Variants in PTPRD observed in about 807,000 individuals in gnomAD.
PTPRD encodes receptor-type tyrosine-protein phosphatase delta.
PTPRD carries 34 observed loss-of-function variants against 214.5 expected under a neutral mutation model. That is an observed-to-expected ratio of 0.16 (90% CI 0.12 to 0.21). The LOEUF is 0.21. PTPRD is among the 10% of genes least tolerant of loss of function. The pLI is 1.00. For synonymous variants in PTPRD, 1,128 were observed against 845.7 expected (o/e 1.33, Z -5.79); for missense variants, 2,545 against 2,398.7 (o/e 1.06, Z -1.27).
At chr9:8,906,407 G>C (rs1044116499) in intron 11 of PTPRD, among the ~76,000 whole-genome samples, 6 of 152,078 alleles carry the variant, frequency 3.9e-5, no homozygotes, top group Non-Finnish European at 8.8e-5. Flanking sequence ...GTGTAACTTT[G>C]GGGAAGTTAC....
chr9:9,190,625 G>C (rs1010708288), intron 9 of PTPRD, among the ~76,000 whole-genome samples: 2 of 151,948 alleles, frequency 1.3e-5, no homozygotes, highest in African/African-American at 4.8e-5. Context: ...TAGCACAAAA[G>C]CCCTAGGAGG....
At chr9:8,600,625 C>T (rs1192504748) in intron 14 of PTPRD, among the ~76,000 whole-genome samples, 1 of 151,740 alleles carries the variant, frequency 6.6e-6, no homozygotes, top group Non-Finnish European at 1.5e-5. Context: ...CATTATAGGC[C>T]CCAGGTCCCT....
chr9:9,757,541 C>G (rs1274928418), intron 6 of PTPRD, among the ~76,000 whole-genome samples: 1 of 151,978 alleles, frequency 6.6e-6, no homozygotes, highest in South Asian at 2.1e-4. Context: ...CTTGGAAATT[C>G]AGAGCAATAA....
intron 2 of PTPRD, among the ~76,000 whole-genome samples, chr9:10,486,901 T>C (rs1272018415): frequency 6.6e-6 from 1 of 152,078 alleles, no homozygotes; most frequent in Non-Finnish European, 1.5e-5. Context: ...GAATATGTGG[T>C]GTTGAAATCT....
intron 3 of PTPRD, among the ~76,000 whole-genome samples, chr9:10,219,760 T>C (rs1200663812): frequency 6.6e-6 from 1 of 151,770 alleles, no homozygotes. Context: ...CCTTACCACA[T>C]TGTTTAAATA....
At chr9:10,499,255 C>A (rs2042962401) in intron 2 of PTPRD, among the ~76,000 whole-genome samples, 1 of 152,008 alleles carries the variant, frequency 6.6e-6, no homozygotes, top group Admixed American at 6.6e-5. Context: ...GTTCAACTCC[C>A]ACTTATGTGT....
intron 10 of PTPRD, among the ~76,000 whole-genome samples, chr9:9,177,030 A>G (rs979386151): frequency 6.6e-6 from 1 of 152,110 alleles, no homozygotes; most frequent in Non-Finnish European, 1.5e-5. Context: ...TCATTTTCAT[A>G]CTGCTATAAA....
chr9:10,092,331 G>A (rs993306081), intron 3 of PTPRD, among the ~76,000 whole-genome samples: 1 of 151,346 alleles, frequency 6.6e-6, no homozygotes, highest in Non-Finnish European at 1.5e-5. Flanking sequence ...ACTGAATTCA[G>A]AAAAGGTGAT....
intron 11 of PTPRD, among the ~76,000 whole-genome samples, chr9:8,982,619 T>C (rs2099318834): frequency 2.6e-5 from 4 of 151,694 alleles, no homozygotes; most frequent in Admixed American, 2.6e-4. Context: ...ACAATCATCA[T>C]CTTATAAATT....
chr9:9,151,413 G>A (rs889789392), intron 10 of PTPRD, among the ~76,000 whole-genome samples: 5 of 152,156 alleles, frequency 3.3e-5, no homozygotes, highest in Non-Finnish European at 5.9e-5. Context: ...TTCTAAGTGG[G>A]AGTGGACTCC....
At chr9:10,127,131 A>G (rs527336892) in intron 3 of PTPRD, among the ~76,000 whole-genome samples, 1 of 152,182 alleles carries the variant, frequency 6.6e-6, no homozygotes, top group East Asian at 1.9e-4. Flanking sequence ...CTGCTGTAAT[A>G]AATATCATAC....
At chr9:9,840,432 T>A (rs975111215) in intron 5 of PTPRD, among the ~76,000 whole-genome samples, 1 of 152,130 alleles carries the variant, frequency 6.6e-6, no homozygotes, top group Non-Finnish European at 1.5e-5. Context: ...CAAGTTAAAC[T>A]TTTTCAGAGG....
intron 3 of PTPRD, among the ~76,000 whole-genome samples, chr9:10,232,675 C>A (rs1411781575): frequency 6.6e-6 from 1 of 151,968 alleles, no homozygotes; most frequent in Non-Finnish European, 1.5e-5. Flanking sequence ...GCTTCCCCTC[C>A]TTTTAAGCTC....
chr9:9,021,330 G>C (rs1445007354), intron 10 of PTPRD, among the ~76,000 whole-genome samples: 1 of 152,078 alleles, frequency 6.6e-6, no homozygotes, highest in Admixed American at 6.5e-5. Context: ...TTATAGCACA[G>C]TGCATTACTC....
chr9:9,106,046 G>A (rs1441630944), intron 10 of PTPRD, among the ~76,000 whole-genome samples: 1 of 152,122 alleles, frequency 6.6e-6, no homozygotes, highest in Non-Finnish European at 1.5e-5. Context: ...GTCGATGGCT[G>A]AGATACCTGG....
At chr9:10,496,035 A>T (rs540941789) in intron 2 of PTPRD, among the ~76,000 whole-genome samples, 18 of 151,812 alleles carry the variant, frequency 1.2e-4, no homozygotes, top group Non-Finnish European at 2.7e-4. Flanking sequence ...TTTTTAAATT[A>T]TTGTATTATT....
intron 9 of PTPRD, among the ~76,000 whole-genome samples, chr9:9,270,003 G>A (rs1177724499): frequency 1.3e-5 from 2 of 150,078 alleles, no homozygotes; most frequent in Non-Finnish European, 3.0e-5. Context: ...AATTTATTTT[G>A]TTACTATATA....
At chr9:8,904,342 A>G (rs2098692835) in intron 11 of PTPRD, among the ~76,000 whole-genome samples, 1 of 152,154 alleles carries the variant, frequency 6.6e-6, no homozygotes, top group Non-Finnish European at 1.5e-5. Flanking sequence ...TAAAAATTGT[A>G]TAGCTGCTTA....
intron 9 of PTPRD, among the ~76,000 whole-genome samples, chr9:9,247,613 T>G (rs556494907): frequency 6.6e-6 from 1 of 152,088 alleles, no homozygotes; most frequent in South Asian, 2.1e-4. Flanking sequence ...CTCAGAATTT[T>G]CAACTCTACA....
Sources: allele counts gnomAD v4.1 joint callset (sites outside exome capture counted in the v4.1 genomes callset), GRCh38; gene constraint gnomAD v4.1.1; transcripts MANE v1.5; gene names NCBI Gene and HGNC (gene_info 2026-07-23, HGNC 2026-07-21).